The following MYO16 variants were observed in gnomAD, a reference collection of about 807,000 sequenced individuals.
The protein encoded by MYO16 is myosin XVI, also known as unconventional myosin-XVI.
Under a neutral mutation model 205.3 loss-of-function variants are expected in MYO16, and 94 were observed. The observed-to-expected ratio is 0.46, with a 90% CI of 0.39 to 0.54. MYO16 has a LOEUF of 0.54. Ranked by LOEUF, MYO16 falls within the 20% of genes least tolerant of loss-of-function variation. MYO16 has a pLI of 0.00. For missense variants in MYO16, 2,315 were observed against 2,387.5 expected (o/e 0.97, Z 0.63); for synonymous variants, 988 against 954.0 (o/e 1.04, Z -0.66).
intron 2 of MYO16, among the ~76,000 whole-genome samples, chr13:108,709,114 T>G (rs1469327956): frequency 6.6e-6 from 1 of 151,846 alleles, no homozygotes; most frequent in African/African-American, 2.4e-5. Context: ...AAGCCTGCGC[T>G]TCGTTATTCT....
intron 34 of MYO16, among the ~76,000 whole-genome samples, chr13:109,197,790 C>A (rs904155667): frequency 6.6e-6 from 1 of 152,084 alleles, no homozygotes; most frequent in Non-Finnish European, 1.5e-5. Context: ...AGCTATAAAA[C>A]CAAGGCAAAT....
intron 4 of MYO16, among the ~76,000 whole-genome samples, chr13:108,763,712 G>C (rs199569962): frequency 6.6e-6 from 1 of 151,676 alleles, no homozygotes; most frequent in Non-Finnish European, 1.5e-5. Flanking sequence ...TTAGGGTCAG[G>C]GTCCCTAGAA....
upstream of MYO16, among the ~76,000 whole-genome samples, chr13:108,628,223 C>T (rs928585422): frequency 4.6e-5 from 7 of 152,142 alleles, no homozygotes; most frequent in Non-Finnish European, 7.4e-5. Flanking sequence ...ACTTTTGTGA[C>T]AGTGACTCTC....
At chr13:109,129,525 C>T (rs182744493) in intron 31 of MYO16, among the ~76,000 whole-genome samples, 5 of 152,236 alleles carry the variant, frequency 3.3e-5, no homozygotes, top group African/African-American at 1.2e-4. Context: ...CCTGAGAAAG[C>T]GGGGAGTGTC....
the MYO16 span, among the ~76,000 whole-genome samples, chr13:108,586,156 A>T: frequency 1.3e-5 from 2 of 152,122 alleles, no homozygotes; most frequent in Non-Finnish European, 2.9e-5. Context: ...ACACACATAC[A>T]CACATGTATC....
At chr13:108,639,571 G>A (rs1452692440) in intron 1 of MYO16, among the ~76,000 whole-genome samples, 4 of 152,162 alleles carry the variant, frequency 2.6e-5, no homozygotes, top group African/African-American at 7.2e-5. Context: ...GAATGACATA[G>A]GAGCCATAGG....
the MYO16 span, among the ~76,000 whole-genome samples, chr13:108,535,494 GTTAACACTA>G: frequency 6.6e-6 from 1 of 152,052 alleles, no homozygotes; most frequent in Admixed American, 6.6e-5. Flanking sequence ...AACTTTCAAG[GTTAACACTA>G]TTAACACTAT....
intron 27 of MYO16, among the ~76,000 whole-genome samples, chr13:109,066,771 C>T (rs1887762535): frequency 6.6e-6 from 1 of 152,118 alleles, no homozygotes; most frequent in Non-Finnish European, 1.5e-5. Context: ...AAGTGGTGTT[C>T]CAGTAAACCG....
At chr13:109,021,758 A>T (rs1000193510) in intron 23 of MYO16, among the ~76,000 whole-genome samples, 3 of 152,142 alleles carry the variant, frequency 2.0e-5, no homozygotes, top group African/African-American at 7.2e-5. Context: ...GGGCCAAATC[A>T]TGAGTAAATA....
intron 1 of MYO16, among the ~76,000 whole-genome samples, chr13:108,643,692 C>A (rs6492132): frequency 0.081 from 12,291 of 152,226 alleles, 900 homozygotes; most frequent in African/African-American, 0.19. Flanking sequence ...GTGTGCACCC[C>A]ATTCACTAGT....
chr13:109,009,875 G>A (rs559703896), intron 22 of MYO16, among the ~76,000 whole-genome samples: 13 of 152,150 alleles, frequency 8.5e-5, no homozygotes, highest in African/African-American at 1.4e-4. Flanking sequence ...GAAAGCCCTC[G>A]TAGTGACATA....
At chr13:108,651,107 G>A (rs1880982026) in intron 1 of MYO16, among the ~76,000 whole-genome samples, 2 of 152,170 alleles carry the variant, frequency 1.3e-5, no homozygotes, top group African/African-American at 4.8e-5. Context: ...GGTTCCCAGG[G>A]CAGGGCTTCA....
intron 17 of MYO16, among the ~76,000 whole-genome samples, chr13:108,960,175 T>C (rs772304887): frequency 6.7e-6 from 1 of 150,010 alleles, no homozygotes; most frequent in Non-Finnish European, 1.5e-5. Flanking sequence ...CTCAAGAGGC[T>C]GAAGTGGGAG....
At chr13:108,912,064 G>T (rs968448429) in intron 16 of MYO16, among the ~76,000 whole-genome samples, 2 of 152,144 alleles carry the variant, frequency 1.3e-5, no homozygotes, top group Non-Finnish European at 2.9e-5. Context: ...TGTCAGCAGG[G>T]TACTGGAGAG....
chr13:108,642,704 C>T (rs576697858), intron 1 of MYO16, among the ~76,000 whole-genome samples: 50 of 152,282 alleles, frequency 3.3e-4, no homozygotes, highest in African/African-American at 1.1e-3. Context: ...AGGTGTGAGC[C>T]ACCGTGCCCG....
the MYO16 span, among the ~76,000 whole-genome samples, chr13:108,561,016 G>A: frequency 6.6e-6 from 1 of 152,088 alleles, no homozygotes; most frequent in East Asian, 1.9e-4. Flanking sequence ...TGAGCTACTT[G>A]ATACAATAGA....
At chr13:108,876,995 T>C (rs937448488) in intron 12 of MYO16, among the ~76,000 whole-genome samples, 2 of 152,166 alleles carry the variant, frequency 1.3e-5, no homozygotes, top group African/African-American at 4.8e-5. Flanking sequence ...AAAAAAGCTG[T>C]TGATCAGCCC....
chr13:108,864,203 AT>A (rs1278914937), intron 11 of MYO16, among the ~76,000 whole-genome samples: 6 of 151,928 alleles, frequency 3.9e-5, no homozygotes, highest in East Asian at 3.9e-4. Context: ...AATTGATGTA[AT>A]TTTTTAAACT....
intron 2 of MYO16, among the ~76,000 whole-genome samples, chr13:108,706,970 A>T (rs1033582699): frequency 1.3e-5 from 2 of 152,120 alleles, no homozygotes; most frequent in Non-Finnish European, 2.9e-5. Context: ...CCAAGGCTGG[A>T]ACCTAATGCA....
Sources: gnomAD v4.1 joint callset for allele counts (sites outside exome capture counted in the v4.1 genomes callset) on GRCh38, gnomAD v4.1.1 for gene constraint, MANE v1.5 for transcripts, NCBI Gene and HGNC (gene_info 2026-07-23, HGNC 2026-07-21) for gene names.